The following CFAP77 variants were observed in gnomAD, a reference collection of about 807,000 sequenced individuals.
CFAP77 encodes the protein cilia- and flagella-associated protein 77.
In CFAP77, 25 loss-of-function variants were observed where a neutral mutation model predicts 31.1. That is an observed-to-expected ratio of 0.80 (90% CI 0.59 to 1.12). CFAP77 has a LOEUF of 1.12. Ranked by LOEUF, CFAP77 falls within the 50% of genes most tolerant of loss-of-function variation. CFAP77 has a pLI of 0.00. For synonymous variants in CFAP77, 151 were observed against 159.9 expected, an observed-to-expected ratio of 0.94 and a Z score of 0.42; for missense variants, 377 against 397.3, an observed-to-expected ratio of 0.95 and a Z score of 0.44.
chr9:132,541,265 C>T (rs1431672355), intron 4 of CFAP77, among the ~76,000 whole-genome samples: 1 of 152,236 alleles, frequency 6.6e-6, no homozygotes, highest in African/African-American at 2.4e-5. Flanking sequence ...CTCAACTCAG[C>T]AAACCCTGCA....
rs2119083797 is a variant in CFAP77 at position 132,552,077 on chromosome 9, CAGGCTTACTGCGTTAAAAGTGGG to C, written c.732+9036_732+9058del. ...GGAAAGAGGCGGCTGATCCCGGATT[CAGGCTTACTGCGTTAAAAGTGGG>C]AGGCTGAGGCTGAGTCCAGCAGGAG... On this transcript the variant is annotated intron_variant, in intron 5 of 5. Transcript: ENST00000393216. The surrounding 1 kb of genome is among the most constrained non-coding windows in gnomAD (Gnocchi z 5.5). Among the ~76,000 whole-genome samples, 1 of 152,350 alleles carries C rather than the reference CAGGCTTACTGCGTTAAAAGTGGG, an allele frequency of 6.6e-6. No homozygotes were observed. Among genetic ancestry groups the C allele is most frequent in the South Asian group, 2.1e-4 (1 of 4,828 alleles).
intron 5 of CFAP77, among the ~76,000 whole-genome samples, chr9:132,556,226 G>A (rs1310120735): frequency 6.6e-6 from 1 of 152,170 alleles, no homozygotes; most frequent in Non-Finnish European, 1.5e-5. Flanking sequence ...CGTCGACACA[G>A]TCCCTTCACT....
chr9:132,414,054 A>T (rs1483778082), intron 1 of CFAP77, among the ~76,000 whole-genome samples: 1 of 152,246 alleles, frequency 6.6e-6, no homozygotes, highest in Non-Finnish European at 1.5e-5. Context: ...AATTGGGATG[A>T]GACTAAGGTC....
chr9:132,535,257 A>G (rs1378255996), intron 3 of CFAP77, among the ~76,000 whole-genome samples: 1 of 152,222 alleles, frequency 6.6e-6, no homozygotes, highest in Non-Finnish European at 1.5e-5. Flanking sequence ...TGACATTTAT[A>G]TAATTACTAA....
At chr9:132,452,870 C>T (rs1366645350) in intron 1 of CFAP77, among the ~76,000 whole-genome samples, 1 of 152,194 alleles carries the variant, frequency 6.6e-6, no homozygotes, top group Non-Finnish European at 1.5e-5. Flanking sequence ...CCAGATGACC[C>T]TTTCTGACTC....
In CFAP77 at chr9:132,542,946, G is replaced by A. The variant is rs1254110699; in HGVS notation, c.631G>A (p.Val211Met). The A allele has an allele frequency of 6.2e-7, 1 of 1,613,968 alleles. No individual in the cohort carries two copies. The highest frequency in any genetic ancestry group is 2.2e-5 in the East Asian group (1 of 44,878). Reference protein sequence around the residue: ...KAIKLEKKQKVVLGKLYETRS... With the variant: ...KAIKLEKKQKMVLGKLYETRS... Reference sequence around the variant, plus strand: ...ACCTTTGCCTTTCCCTGGCCTACAGGTGGTCCTTGGGAAGCTGTATGAGAC... The same window carrying A: ...ACCTTTGCCTTTCCCTGGCCTACAGATGGTCCTTGGGAAGCTGTATGAGAC... Residue 211 changes from valine to methionine, a missense_variant and splice_region_variant, in exon 5 of 6, where the codon GTG (valine) becomes ATG (methionine). Physicochemically the swap from Val to Met is conservative, Grantham distance 21 (BLOSUM62 1). Coordinates refer to ENST00000393216, the MANE Select transcript of CFAP77 (RefSeq NM_001282957.2).
intron 1 of CFAP77, among the ~76,000 whole-genome samples, chr9:132,470,028 G>T (rs1240277536): frequency 5.9e-5 from 9 of 151,952 alleles, no homozygotes; most frequent in East Asian, 1.9e-4. Context: ...TAGTAGAGAC[G>T]GGGTTTCTCC....
chr9:132,522,678 G>A (rs1418263731), intron 3 of CFAP77, among the ~76,000 whole-genome samples: 1 of 152,264 alleles, frequency 6.6e-6, no homozygotes, highest in Non-Finnish European at 1.5e-5. Context: ...GAAAGGTCAA[G>A]TACACAGGGA....
chr9:132,486,347 C>T (rs1046968205), intron 1 of CFAP77, among the ~76,000 whole-genome samples: 3 of 151,766 alleles, frequency 2.0e-5, no homozygotes, highest in Non-Finnish European at 2.9e-5. Context: ...CCGCCTCGGC[C>T]TCCCAAAGTG....
At chr9:132,559,346 C>CAAAAAAAAAAAGAAAAAAAAA (rs1852958454) in intron 5 of CFAP77, among the ~76,000 whole-genome samples, 1 of 56,082 alleles carries the variant, frequency 1.8e-5, no homozygotes, top group Admixed American at 2.0e-4. Context: ...CTCTGTCTTG[C>CAAAAAAAAAAAGAAAAAAAAA]AAAAAAAAAA....
intron 3 of CFAP77, among the ~76,000 whole-genome samples, chr9:132,505,207 C>T (rs1051561140): frequency 1.3e-5 from 2 of 152,226 alleles, no homozygotes; most frequent in African/African-American, 4.8e-5. Flanking sequence ...CCCCAACCCC[C>T]ATCCATGTCT....
intron 5 of CFAP77, among the ~76,000 whole-genome samples, chr9:132,548,865 GGCCCAA>G (rs1852778778): frequency 6.6e-6 from 1 of 152,130 alleles, no homozygotes; most frequent in Non-Finnish European, 1.5e-5. Flanking sequence ...TTAGAATAAT[GGCCCAA>G]GCTATTAAGC....
At chr9:132,422,970 A>G (rs1850247981) in intron 1 of CFAP77, among the ~76,000 whole-genome samples, 1 of 152,140 alleles carries the variant, frequency 6.6e-6, no homozygotes, top group African/African-American at 2.4e-5. Flanking sequence ...ACTTTTTGTA[A>G]GTTACACAAG....
At chr9:132,535,454 G>A (rs990689023) in intron 3 of CFAP77, among the ~76,000 whole-genome samples, 8 of 152,158 alleles carry the variant, frequency 5.3e-5, no homozygotes, top group African/African-American at 1.9e-4. Context: ...GCTCACGCCT[G>A]TAATCCCAAC....
At position 132,572,884 on chromosome 9, in the gene CFAP77, C is replaced by T. The variant is rs1046551509; in HGVS notation, c.*374C>T. On this transcript the variant is annotated 3_prime_UTR_variant, in exon 6 of 6. Coordinates refer to ENST00000393216, the MANE Select transcript of CFAP77 (RefSeq NM_001282957.2). ...GGCTCTGCCCATTAAGTGTTAAGAA[C>T]GACCTGTGTATTTGCTGCAGAAAGC... 1.3e-5 allele frequency: 3 copies of T among 231,846 alleles called. No individual in the cohort carries two copies. The highest frequency in any genetic ancestry group is 9.3e-5 in the East Asian group (1 of 10,790). 14.4% of individuals were successfully genotyped at this position (231,846 alleles called of 1,614,324 possible). A position where few individuals can be genotyped will look rare whatever the true frequency, so the allele number is the denominator to read the frequency against.
intron 1 of CFAP77, among the ~76,000 whole-genome samples, chr9:132,472,624 G>A (rs907104729): frequency 1.3e-5 from 2 of 152,180 alleles, no homozygotes; most frequent in African/African-American, 2.4e-5. Context: ...GCTGGGCGTG[G>A]TGCAGCCATA....
intron 3 of CFAP77, among the ~76,000 whole-genome samples, chr9:132,516,993 C>T (rs1473015805): frequency 4.6e-5 from 7 of 152,196 alleles, no homozygotes; most frequent in Admixed American, 2.0e-4. Flanking sequence ...AAAAGGGAGA[C>T]ACCCCAGCCC....
chr9:132,459,642 T>C (rs895963592), intron 1 of CFAP77, among the ~76,000 whole-genome samples: 4 of 151,652 alleles, frequency 2.6e-5, no homozygotes, highest in African/African-American at 9.7e-5. Flanking sequence ...TACATGTGTA[T>C]GTATGTGTGT....
At chr9:132,459,850 GTC>G (rs1278805548) in intron 1 of CFAP77, among the ~76,000 whole-genome samples, 4 of 151,000 alleles carry the variant, frequency 2.6e-5, no homozygotes, top group Non-Finnish European at 5.9e-5. Context: ...AGTATTGTGA[GTC>G]TGTGTGTGAG....
Sources: allele counts gnomAD v4.1 joint callset (sites outside exome capture counted in the v4.1 genomes callset), GRCh38; gene constraint gnomAD v4.1.1; non-coding constraint Gnocchi (gnomAD v3.1); transcripts MANE v1.5; gene names NCBI Gene and HGNC (gene_info 2026-07-23, HGNC 2026-07-21).